The following SLC17A4 variants were observed in gnomAD, a reference collection of about 807,000 sequenced individuals.
The protein encoded by SLC17A4 is probable small intestine urate exporter.
Under a neutral mutation model 52.5 loss-of-function variants are expected in SLC17A4, and 33 were observed. The observed-to-expected ratio is 0.63, with a 90% CI of 0.48 to 0.84. The LOEUF is 0.84. Ranked by LOEUF, SLC17A4 falls within the 40% of genes least tolerant of loss-of-function variation. The pLI is 0.00. For synonymous variants in SLC17A4, 225 were observed against 216.2 expected (o/e 1.04, Z -0.36); for missense variants, 585 against 597.1 (o/e 0.98, Z 0.21).
intron 3 of SLC17A4, 125 bp downstream of exon 3, chr6:25,769,315 C>A: frequency 1.1e-6 from 1 of 910,846 alleles, no homozygotes; most frequent in Non-Finnish European, 1.6e-6. Context: ...CCAGGAATGG[C>A]ACAAGTACCT....
chr6:25,768,256 C>A, intron 2 of SLC17A4: 1 of 380,964 alleles, frequency 2.6e-6, no homozygotes. Context: ...ATTCCAAGAG[C>A]ATTTGCTCCC....
chr6:25,773,142 C>T, intron 6 of SLC17A4, 133 bp from the exon 7 acceptor site: 1 of 741,634 alleles, frequency 1.3e-6, no homozygotes, highest in Non-Finnish European at 2.4e-6. Context: ...ATGATAGGGC[C>T]ATGCAAGGGA....
chr6:25,770,176 G>A lies in SLC17A4; in HGVS notation c.407G>A (p.Gly136Glu), dbSNP rs780503942. The change falls in exon 4 of 12, where the codon GGA becomes GAA. Residue 136 changes from glycine (G) to glutamate (E), a missense_variant. Coordinates refer to ENST00000377905, the MANE Select transcript of SLC17A4 (RefSeq NM_005495.3). Reference sequence around the variant, plus strand: ...AGTGGCTATGTGGCTGGAATATTTGGAGCCAAGTATGTGGTTGGTGCTGGC... The same window carrying A: ...AGTGGCTATGTGGCTGGAATATTTGAAGCCAAGTATGTGGTTGGTGCTGGC... Reference protein sequence around the residue: ...IPSGYVAGIFGAKYVVGAGLF... With the variant: ...IPSGYVAGIFEAKYVVGAGLF... 3 of 1,614,098 alleles carry A rather than the reference G, an allele frequency of 1.9e-6. No homozygotes were observed. Among genetic ancestry groups the A allele is most frequent in the Admixed American group, 1.7e-5 (1 of 60,002 alleles).
At chr6:25,762,089 A>G (rs938451199) in intron 2 of SLC17A4, 36 bp downstream of exon 2, 2 of 1,573,312 alleles carry the variant, frequency 1.3e-6, no homozygotes, top group Admixed American at 3.4e-5. Context: ...AGTAAATAAA[A>G]CTAGGATCTG....
intron 7 of SLC17A4, 48 bp downstream of exon 7, chr6:25,773,441 C>A: frequency 6.2e-7 from 1 of 1,612,492 alleles, no homozygotes; most frequent in South Asian, 1.1e-5. Flanking sequence ...CTCTAGACGT[C>A]TGAGAGATGA....
chr6:25,771,997 C>T (rs1762519408), intron 6 of SLC17A4, among the ~76,000 whole-genome samples: 1 of 152,090 alleles, frequency 6.6e-6, no homozygotes, highest in South Asian at 2.1e-4. Flanking sequence ...AATCGCACCC[C>T]TAAATTGTTT....
chr6:25,756,110 G>A (rs146354919), intron 1 of SLC17A4, among the ~76,000 whole-genome samples: 103 of 152,220 alleles, frequency 6.8e-4, no homozygotes, highest in African/African-American at 2.2e-3. Flanking sequence ...GTGCCACACA[G>A]TGGCCATAGT....
chr6:25,770,532 G>A, intron 5 of SLC17A4, 61 bp downstream of exon 5: 1 of 1,485,468 alleles, frequency 6.7e-7, no homozygotes, highest in Non-Finnish European at 9.4e-7. Flanking sequence ...GCAAAGTCCT[G>A]CCAACAGAAC....
At chr6:25,770,660 TTG>T (rs1474349233) in intron 5 of SLC17A4, among the ~76,000 whole-genome samples, 189 bp downstream of exon 5, 1 of 152,242 alleles carries the variant, frequency 6.6e-6, no homozygotes, top group Non-Finnish European at 1.5e-5. Context: ...CCAAACATTC[TTG>T]TGTTTTGCAC....
Position 25,773,584 on chromosome 6 carries a change from C to A in SLC17A4, c.897C>A (p.Val299=). 6.2e-7 allele frequency: 1 copy of A among 1,613,962 alleles called. No homozygotes were observed. The highest frequency in any genetic ancestry group is 1.1e-5 in the South Asian group (1 of 91,072). ...CCTTACCACTCTGGGCCATTTTAGTCTCTTATTTCTGTGAATACTGGCTTT... is the reference window on the plus strand; with the variant it reads ...CCTTACCACTCTGGGCCATTTTAGTATCTTATTTCTGTGAATACTGGCTTT... ...IKSLPLWAIL[V]SYFCEYWLFY... The change falls in exon 8 of 12, where the codon GTC becomes GTA. Residue 299 remains valine, a synonymous_variant. Coordinates refer to ENST00000377905, the MANE Select transcript of SLC17A4 (RefSeq NM_005495.3).
chr6:25,776,560 G>A (rs764021867), intron 8 of SLC17A4, 35 bp from the exon 9 acceptor site: 2 of 1,564,714 alleles, frequency 1.3e-6, no homozygotes, highest in African/African-American at 1.4e-5. Flanking sequence ...GGGGTGGTAA[G>A]GGCACATGCA....
At chr6:25,762,989 G>T (rs1372545820) in intron 2 of SLC17A4, among the ~76,000 whole-genome samples, 1 of 152,132 alleles carries the variant, frequency 6.6e-6, no homozygotes, top group African/African-American at 2.4e-5. Flanking sequence ...GGCATACTGG[G>T]TAAAAGCACG....
At chr6:25,767,079 T>C (rs1332802644) in intron 2 of SLC17A4, among the ~76,000 whole-genome samples, 1 of 152,188 alleles carries the variant, frequency 6.6e-6, no homozygotes, top group Non-Finnish European at 1.5e-5. Flanking sequence ...CAATTCTATA[T>C]ATCTAAAACT....
At chr6:25,777,124 G>A in intron 10 of SLC17A4, 165 bp downstream of exon 10, 2 of 774,034 alleles carry the variant, frequency 2.6e-6, no homozygotes, top group Non-Finnish European at 4.0e-6. Context: ...GAGACTCAAA[G>A]CTGGTGGACC....
rs147860558 is a variant in SLC17A4, at chr6:25,756,671, A to C, written c.-37+1890A>C. 7.1e-3 allele frequency among the ~76,000 whole-genome samples: 1,077 copies of C among 152,292 alleles called. 12 individuals carry two copies. Among genetic ancestry groups the C allele is most frequent in the African/African-American group, 0.023 (974 of 41,558 alleles). ...TCGCCTGTTACTGAAAAAACTGGCA[A>C]TTGATTTCTGGTTATAATAAGTAAA... On this transcript the variant is annotated intron_variant, in intron 1 of 11. Transcript: ENST00000377905.
intron 2 of SLC17A4, among the ~76,000 whole-genome samples, chr6:25,762,923 C>T (rs768452857): frequency 2.0e-5 from 3 of 152,104 alleles, no homozygotes; most frequent in Non-Finnish European, 4.4e-5. Context: ...TCTGTCTCTC[C>T]CTTAAAATTA....
intron 2 of SLC17A4, among the ~76,000 whole-genome samples, chr6:25,764,455 C>A (rs1261866403): frequency 6.6e-6 from 1 of 152,224 alleles, no homozygotes; most frequent in Non-Finnish European, 1.5e-5. Context: ...ACAAGCACAA[C>A]ACTTTGAGAA....
intron 8 of SLC17A4, among the ~76,000 whole-genome samples, chr6:25,775,234 A>T (rs1220600286): frequency 6.6e-6 from 1 of 151,580 alleles, no homozygotes; most frequent in African/African-American, 2.4e-5. Flanking sequence ...TAGGAGGCTG[A>T]GGCATGAGAA....
At chr6:25,755,114 A>AGAG (rs1760903184) in intron 1 of SLC17A4, among the ~76,000 whole-genome samples, 1 of 130,904 alleles carries the variant, frequency 7.6e-6, no homozygotes, top group African/African-American at 2.6e-5. Context: ...AAGAGACAGA[A>AGAG]ACTAAATGAT....
Sources: gnomAD v4.1 joint callset for allele counts (sites outside exome capture counted in the v4.1 genomes callset) on GRCh38, gnomAD v4.1.1 for gene constraint, MANE v1.5 for transcripts, NCBI Gene and HGNC (gene_info 2026-07-23, HGNC 2026-07-21) for gene names.